The following STK31 variants were observed in gnomAD, a reference collection of about 807,000 sequenced individuals.
STK31 encodes serine/threonine-protein kinase 31.
Under a neutral mutation model 129.7 loss-of-function variants are expected in STK31, and 89 were observed. The ratio of observed to expected loss-of-function variants is 0.69; its 90% CI spans 0.58 to 0.82. The LOEUF (loss-of-function observed/expected upper bound fraction) is 0.82, where lower values mean the gene tolerates loss of function less well. Ranked by LOEUF, STK31 falls within the 40% of genes least tolerant of loss-of-function variation. STK31 has a pLI of 0.00. For missense variants in STK31, 1,187 were observed against 1,176.4 expected, an observed-to-expected ratio of 1.01 and a Z score of -0.13; for synonymous variants, 448 against 395.3, an observed-to-expected ratio of 1.13 and a Z score of -1.58.
chr7:23,796,949 G>C (rs1792000080), intron 22 of STK31, among the ~76,000 whole-genome samples: 1 of 150,738 alleles, frequency 6.6e-6, no homozygotes, highest in African/African-American at 2.4e-5. Context: ...AAAAAAAAAA[G>C]CAGGGATTGC....
Position 23,735,753 on chromosome 7 carries a change from C to G in STK31, c.699C>G (p.Leu233=). 6.2e-7 allele frequency: 1 copy of G among 1,614,148 alleles called. No individual in the cohort carries two copies. ...AATTGGATCCTGGTCAACTTGTTCT[C>G]AGGAACCTCAAAAGCCCCATTCCTT... The part of the protein sequence containing the change: ...EKKLDPGQLV[L]RNLKSPIPLW... Residue 233 remains leucine (L), a synonymous_variant, in exon 7 of 24, where the codon CTC becomes CTG. Transcript: ENST00000355870.
rs544785911 is a variant in STK31, at chr7:23,803,322, A to T, written c.2761-11822A>T. 3.9e-5 allele frequency among the ~76,000 whole-genome samples: 6 copies of T among 152,348 alleles called. No homozygotes were observed. The South Asian group carries it at 1.2e-3, about 32-fold the overall frequency. ...GAAGCATTATCAAAAGATTTTATTT[A>T]CAAGGCCATGAAGGGATTACTGTCA... On this transcript the variant is annotated intron_variant, in intron 22 of 23. Transcript: ENST00000355870.
chr7:23,712,549 C>G (rs896617526), intron 3 of STK31, among the ~76,000 whole-genome samples: 3 of 152,174 alleles, frequency 2.0e-5, no homozygotes, highest in Admixed American at 1.3e-4. Flanking sequence ...CAGAATTCCA[C>G]TCAATTCTAG....
At chr7:23,742,054 C>T (rs1584365399) in intron 8 of STK31, among the ~76,000 whole-genome samples, 1 of 152,310 alleles carries the variant, frequency 6.6e-6, no homozygotes, top group Middle Eastern at 3.4e-3. Flanking sequence ...TTCACAGCAG[C>T]CCATTGCAGG....
chr7:23,786,819 T>C lies in STK31; in HGVS notation c.2401-19T>C. 6.2e-7 allele frequency: 1 copy of C among 1,602,926 alleles called. No homozygotes were observed. The highest frequency in any genetic ancestry group is 8.5e-7 in the Non-Finnish European group (1 of 1,175,434). ...AAGAAGTTTTTACTTGGAGTCACAT[T>C]CTCTGTTTTGCTTCTTAGTCTGATC... On this transcript the variant is annotated intron_variant, in intron 19 of 23. Coordinates refer to ENST00000355870, the MANE Select transcript of STK31 (RefSeq NM_031414.5).
chr7:23,754,050 T>C (rs1376846226), intron 9 of STK31, among the ~76,000 whole-genome samples: 1 of 152,152 alleles, frequency 6.6e-6, no homozygotes, highest in Non-Finnish European at 1.5e-5. Context: ...TTTTTAATTT[T>C]TTCATATTTT....
At chr7:23,733,636 A>G (rs553072152) in intron 6 of STK31, among the ~76,000 whole-genome samples, 5 of 151,824 alleles carry the variant, frequency 3.3e-5, no homozygotes, top group East Asian at 1.9e-4. Flanking sequence ...GTGAAACCCC[A>G]TCTCTACTAC....
At chr7:23,716,192 T>G (rs1448009192) in intron 3 of STK31, among the ~76,000 whole-genome samples, 20 of 152,234 alleles carry the variant, frequency 1.3e-4, no homozygotes, top group Non-Finnish European at 1.5e-5. Flanking sequence ...TCAAGACTTT[T>G]GACACTTCTG....
intron 15 of STK31, among the ~76,000 whole-genome samples, chr7:23,772,781 G>T (rs1312897044): frequency 6.6e-6 from 1 of 152,098 alleles, no homozygotes; most frequent in East Asian, 1.9e-4. Flanking sequence ...CCCTAATCTG[G>T]ACTAACTTCT....
chr7:23,782,005 A>G (rs1485557883), intron 16 of STK31, among the ~76,000 whole-genome samples: 2 of 152,196 alleles, frequency 1.3e-5, no homozygotes, highest in Non-Finnish European at 2.9e-5. Flanking sequence ...AAATAAGTCT[A>G]CCTGGTTTTG....
At chr7:23,761,554 G>A (rs1789462812) in intron 10 of STK31, among the ~76,000 whole-genome samples, 1 of 151,618 alleles carries the variant, frequency 6.6e-6, no homozygotes, top group Non-Finnish European at 1.5e-5. Context: ...CCGAGTTGCT[G>A]GGACTACAGG....
intron 22 of STK31, among the ~76,000 whole-genome samples, chr7:23,801,697 T>C (rs1243841176): frequency 6.6e-6 from 1 of 152,210 alleles, no homozygotes; most frequent in African/African-American, 2.4e-5. Flanking sequence ...AGCTGAGATC[T>C]CTTTGGATGT....
At chr7:23,817,993 A>T (rs369915916) in intron 23 of STK31, among the ~76,000 whole-genome samples, 1 of 151,406 alleles carries the variant, frequency 6.6e-6, no homozygotes, top group Non-Finnish European at 1.5e-5. Context: ...TATTATTTCT[A>T]TCCTTCTGCT....
At chr7:23,717,846 T>C (rs2128063155) in intron 4 of STK31, among the ~76,000 whole-genome samples, 1 of 152,312 alleles carries the variant, frequency 6.6e-6, no homozygotes, top group African/African-American at 2.4e-5. Context: ...ACAAATACTG[T>C]TATGGTTCTA....
intron 17 of STK31, among the ~76,000 whole-genome samples, chr7:23,784,029 G>A (rs1421276115): frequency 2.0e-5 from 3 of 152,146 alleles, no homozygotes; most frequent in Non-Finnish European, 4.4e-5. Flanking sequence ...AGCACAATGG[G>A]TTTTTTAAGT....
chr7:23,793,189 CAT>C, intron 22 of STK31, among the ~76,000 whole-genome samples: 1 of 152,230 alleles, frequency 6.6e-6, no homozygotes, highest in Non-Finnish European at 1.5e-5. Flanking sequence ...CAGGCCAACT[CAT>C]ACCATATGTA....
chr7:23,726,911 A>C (rs73080960), intron 4 of STK31, among the ~76,000 whole-genome samples: 25,791 of 152,096 alleles, frequency 0.17, 2,358 homozygotes, highest in East Asian at 0.22. Flanking sequence ...CAGATATTAT[A>C]ATAGTGTGAT....
chr7:23,779,227 G>C (rs776169342), intron 15 of STK31, among the ~76,000 whole-genome samples: 26 of 152,258 alleles, frequency 1.7e-4, no homozygotes, highest in Middle Eastern at 3.4e-3. Flanking sequence ...ATCCCAGAGG[G>C]GCACCTGCCA....
At chr7:23,821,223 C>T (rs944008948) in intron 23 of STK31, among the ~76,000 whole-genome samples, 3 of 152,052 alleles carry the variant, frequency 2.0e-5, no homozygotes, top group Non-Finnish European at 1.5e-5. Flanking sequence ...AATATTTGTA[C>T]TATTTTCCAT....
Sources: allele counts gnomAD v4.1 joint callset (sites outside exome capture counted in the v4.1 genomes callset), GRCh38; gene constraint gnomAD v4.1.1; transcripts MANE v1.5; gene names NCBI Gene and HGNC (gene_info 2026-07-23, HGNC 2026-07-21).